Variants in ROBO1 observed in about 807,000 individuals in gnomAD.
ROBO1 encodes roundabout homolog 1.
ROBO1 carries 149 observed loss-of-function variants against 195.9 expected under a neutral mutation model. The observed-to-expected ratio is 0.76, with a 90% confidence interval of 0.67 to 0.87. ROBO1 has a LOEUF of 0.87. Among genes scored for constraint, ROBO1 ranks in the 40% least tolerant of loss-of-function variants. The probability of loss-of-function intolerance (pLI) is 0.00; values close to 1 mark genes in which losing one functional copy is unlikely to be tolerated. For missense variants in ROBO1, 1,933 were observed against 2,068.3 expected (o/e 0.93, Z 1.27); for synonymous variants, 816 against 733.2 (o/e 1.11, Z -1.82).
intron 2 of ROBO1, among the ~76,000 whole-genome samples, chr3:79,311,664 T>G (rs1411588731): frequency 6.6e-6 from 1 of 152,178 alleles, no homozygotes; most frequent in East Asian, 1.9e-4. Context: ...ATGCTTTTTT[T>G]TCTCCCAGAG....
At chr3:78,746,526 T>G (rs984943221) in intron 5 of ROBO1, among the ~76,000 whole-genome samples, 7 of 152,212 alleles carry the variant, frequency 4.6e-5, no homozygotes, top group African/African-American at 1.7e-4. Flanking sequence ...TTATAGTTTT[T>G]CTTTTACTGA....
At chr3:79,697,606 G>A (rs1216835979) in intron 1 of ROBO1, among the ~76,000 whole-genome samples, 1 of 151,276 alleles carries the variant, frequency 6.6e-6, no homozygotes, top group East Asian at 1.9e-4. Context: ...AATATATTGT[G>A]GCAAGTGTTT....
chr3:79,651,063 G>A lies in ROBO1; in HGVS notation c.-50-61102C>T, dbSNP rs374101974. Among the ~76,000 whole-genome samples, 18 of 151,940 alleles carry A rather than the reference G, an allele frequency of 1.2e-4. No individual in the cohort carries two copies. The East Asian group carries it at 3.5e-3, about 29-fold the overall frequency. The stretch of plus-strand genomic sequence containing the variant: ...ATTAGAAAATGTAGTCTATAAATGG[G>A]AAGTCTTTATTATCCTTTCATAACA... On this transcript the variant is annotated intron_variant, in intron 1 of 30. Transcript: ENST00000464233.
At chr3:79,696,697 A>G (rs181375119) in intron 1 of ROBO1, among the ~76,000 whole-genome samples, 1 of 151,520 alleles carries the variant, frequency 6.6e-6, no homozygotes, top group Admixed American at 6.6e-5. Context: ...ACCTGGATAA[A>G]TTACCTTCTC....
At chr3:78,853,475 GTA>G (rs1491066735) in intron 4 of ROBO1, among the ~76,000 whole-genome samples, 2 of 117,964 alleles carry the variant, frequency 1.7e-5, no homozygotes, top group African/African-American at 3.0e-5. Flanking sequence ...GTGTGTGTGT[GTA>G]TGTATGTATG....
At chr3:79,693,143 T>C (rs575282568) in intron 1 of ROBO1, among the ~76,000 whole-genome samples, 120 of 151,840 alleles carry the variant, frequency 7.9e-4, no homozygotes, top group African/African-American at 2.8e-3. Flanking sequence ...TGAAAGGCCC[T>C]AACCAAAGAA....
chr3:79,557,664 G>A (rs1942750391), intron 2 of ROBO1, among the ~76,000 whole-genome samples: 3 of 147,380 alleles, frequency 2.0e-5, no homozygotes, highest in African/African-American at 5.1e-5. Flanking sequence ...ACCCTAGAAG[G>A]TAGATGTTCG....
At chr3:78,849,643 C>T (rs565603660) in intron 4 of ROBO1, among the ~76,000 whole-genome samples, 1 of 151,770 alleles carries the variant, frequency 6.6e-6, no homozygotes, top group South Asian at 2.1e-4. Context: ...CACATCATAT[C>T]ATTTTCCTTT....
intron 1 of ROBO1, among the ~76,000 whole-genome samples, chr3:79,621,598 A>C (rs1945011825): frequency 6.6e-6 from 1 of 152,162 alleles, no homozygotes; most frequent in African/African-American, 2.4e-5. Flanking sequence ...GAAAGGACTG[A>C]GGTTTTATTT....
intron 2 of ROBO1, among the ~76,000 whole-genome samples, chr3:79,185,006 C>T (rs79594565): frequency 0.025 from 3,815 of 152,188 alleles, 162 homozygotes; most frequent in African/African-American, 0.085. Flanking sequence ...TGGATATTTG[C>T]ACAAGCTACA....
At chr3:79,380,695 T>C (rs114088650) in intron 2 of ROBO1, among the ~76,000 whole-genome samples, 1,555 of 152,232 alleles carry the variant, frequency 0.01, 21 homozygotes, top group African/African-American at 0.034. Flanking sequence ...TTGTGTCCTA[T>C]CCAATGCGAC....
intron 4 of ROBO1, among the ~76,000 whole-genome samples, chr3:78,913,495 A>T (rs1227516256): frequency 6.6e-6 from 1 of 151,768 alleles, no homozygotes; most frequent in African/African-American, 2.4e-5. Context: ...AAAAAAGAGT[A>T]AAAAAAATAT....
chr3:79,649,842 C>T (rs1427054204), intron 1 of ROBO1, among the ~76,000 whole-genome samples: 1 of 152,036 alleles, frequency 6.6e-6, no homozygotes, highest in African/African-American at 2.4e-5. Flanking sequence ...GTTGATATGT[C>T]TTCTGGAGAT....
chr3:78,713,680 G>A (rs1232182740), intron 8 of ROBO1, among the ~76,000 whole-genome samples: 1 of 152,116 alleles, frequency 6.6e-6, no homozygotes, highest in African/African-American at 2.4e-5. Flanking sequence ...CTGGATTATG[G>A]ATGGAAAAGG....
At chr3:79,192,962 A>G (rs2081567021) in intron 2 of ROBO1, among the ~76,000 whole-genome samples, 3 of 151,652 alleles carry the variant, frequency 2.0e-5, no homozygotes, top group African/African-American at 4.8e-5. Context: ...AGAGATGGAA[A>G]AAAGAAGTGA....
intron 2 of ROBO1, among the ~76,000 whole-genome samples, chr3:79,522,614 G>A (rs1941255573): frequency 6.6e-6 from 1 of 152,090 alleles, no homozygotes; most frequent in Non-Finnish European, 1.5e-5. Context: ...CTACTGGGGA[G>A]CTTTAAATGG....
chr3:79,445,061 T>C (rs901021966), intron 2 of ROBO1, among the ~76,000 whole-genome samples: 6 of 152,030 alleles, frequency 3.9e-5, no homozygotes, highest in Non-Finnish European at 7.4e-5. Context: ...TTTTAAACAT[T>C]AGTTGATAAA....
chr3:78,710,879 T>TA (rs1485178917), intron 8 of ROBO1, among the ~76,000 whole-genome samples: 1 of 152,180 alleles, frequency 6.6e-6, no homozygotes, highest in Non-Finnish European at 1.5e-5. Flanking sequence ...CGTTTAAAAA[T>TA]AAAAATAAAT....
intron 2 of ROBO1, among the ~76,000 whole-genome samples, chr3:79,559,998 C>A (rs1193922214): frequency 6.6e-6 from 1 of 151,996 alleles, no homozygotes; most frequent in Admixed American, 6.6e-5. Flanking sequence ...CTAAAACCCT[C>A]AGATAAGAAT....
Sources: gnomAD v4.1 joint callset for allele counts (sites outside exome capture counted in the v4.1 genomes callset) on GRCh38, gnomAD v4.1.1 for gene constraint, MANE v1.5 for transcripts, NCBI Gene and HGNC (gene_info 2026-07-23, HGNC 2026-07-21) for gene names.